The following PAK2 variants were observed in gnomAD, a reference collection of about 807,000 sequenced individuals.
PAK2 encodes the protein p21 (RAC1) activated kinase 2, also known as serine/threonine-protein kinase PAK 2.
In PAK2, 21 loss-of-function variants were observed where a neutral mutation model predicts 65.9. That is an observed-to-expected ratio of 0.32 (90% CI 0.23 to 0.46). The LOEUF is 0.46. PAK2 is among the 20% of genes least tolerant of loss of function. The probability of loss-of-function intolerance (pLI) is 1.00; values close to 1 mark genes in which losing one functional copy is unlikely to be tolerated. For missense variants in PAK2, 324 were observed against 642.6 expected (o/e 0.50, Z 5.36); for synonymous variants, 204 against 219.7 (o/e 0.93, Z 0.63).
At chr3:196,759,809 G>A (rs532480966) in intron 1 of PAK2, among the ~76,000 whole-genome samples, 1 of 152,178 alleles carries the variant, frequency 6.6e-6, no homozygotes, top group Non-Finnish European at 1.5e-5. Flanking sequence ...ACAGGCGTGA[G>A]TCACTGTGCC....
At chr3:196,742,844 C>T (rs536373390) in intron 1 of PAK2, among the ~76,000 whole-genome samples, 5 of 152,248 alleles carry the variant, frequency 3.3e-5, no homozygotes, top group East Asian at 3.9e-4. Context: ...GTGATGAACC[C>T]GGGAGGCGGA....
At chr3:196,784,274 G>A (rs1577719565) in intron 2 of PAK2, among the ~76,000 whole-genome samples, 1 of 97,600 alleles carries the variant, frequency 1.0e-5, no homozygotes, top group Non-Finnish European at 2.0e-5. Context: ...TGTGCACATT[G>A]TGCAGGTTAG....
chr3:196,762,116 C>T (rs564996908), intron 1 of PAK2, among the ~76,000 whole-genome samples: 4 of 130,576 alleles, frequency 3.1e-5, no homozygotes, highest in Non-Finnish European at 6.8e-5. Flanking sequence ...GGGGCAGAGG[C>T]GTCCCCCACA....
chr3:196,767,280 AT>A (rs1225652557), intron 1 of PAK2, among the ~76,000 whole-genome samples: 3 of 152,044 alleles, frequency 2.0e-5, no homozygotes, highest in Non-Finnish European at 4.4e-5. Flanking sequence ...CTTTGGATAG[AT>A]TTTTAGAAAC....
At chr3:196,808,593 T>C (rs1715668279) in intron 7 of PAK2, among the ~76,000 whole-genome samples, 1 of 125,538 alleles carries the variant, frequency 8.0e-6, no homozygotes. Flanking sequence ...GGCCGGGCAC[T>C]GTGGCTCATG....
At chr3:196,797,027 T>G (rs1363488748) in intron 2 of PAK2, among the ~76,000 whole-genome samples, 1 of 151,654 alleles carries the variant, frequency 6.6e-6, no homozygotes, top group Non-Finnish European at 1.5e-5. Context: ...GTAGAAAAAG[T>G]AGACATAAAA....
At chr3:196,814,943 G>T (rs1485213417) in intron 11 of PAK2, among the ~76,000 whole-genome samples, 2 of 152,096 alleles carry the variant, frequency 1.3e-5, no homozygotes, top group East Asian at 3.9e-4. Flanking sequence ...ACTTTGGGAG[G>T]CCGAGGCGGG....
chr3:196,796,784 G>A (rs1715272257), intron 2 of PAK2, among the ~76,000 whole-genome samples: 1 of 152,184 alleles, frequency 6.6e-6, no homozygotes, highest in African/African-American at 2.4e-5. Context: ...TGGACTGGCT[G>A]TATAAACAGC....
At chr3:196,749,589 A>G (rs887928656) in intron 1 of PAK2, among the ~76,000 whole-genome samples, 16 of 152,204 alleles carry the variant, frequency 1.1e-4, no homozygotes, top group African/African-American at 3.9e-4. Flanking sequence ...TCGGGTGGAC[A>G]TAAGTTTTCA....
At chr3:196,810,176 T>G (rs1451993508) in intron 7 of PAK2, among the ~76,000 whole-genome samples, 1 of 151,920 alleles carries the variant, frequency 6.6e-6, no homozygotes, top group Non-Finnish European at 1.5e-5. Context: ...ATTTCTATAT[T>G]CAAATATATC....
At chr3:196,764,488 G>A (rs937698522) in intron 1 of PAK2, among the ~76,000 whole-genome samples, 2 of 151,640 alleles carry the variant, frequency 1.3e-5, no homozygotes, top group Non-Finnish European at 2.9e-5. Flanking sequence ...GCATGGTGGC[G>A]GGTGTCTGTA....
intron 3 of PAK2, 36 bp downstream of exon 3, chr3:196,802,063 T>A: frequency 9.9e-7 from 1 of 1,008,742 alleles, no homozygotes; most frequent in Non-Finnish European, 1.6e-6. Flanking sequence ...TTATAACGTT[T>A]AAAATAGCAC....
At chr3:196,825,138 G>A (rs1268855978) in intron 13 of PAK2, among the ~76,000 whole-genome samples, 1 of 151,896 alleles carries the variant, frequency 6.6e-6, no homozygotes, top group Non-Finnish European at 1.5e-5. Flanking sequence ...TTGAGGTTAG[G>A]AGTTTGAGAC....
intron 4 of PAK2, among the ~76,000 whole-genome samples, chr3:196,804,792 G>A (rs1318478043): frequency 1.1e-5 from 1 of 90,264 alleles, no homozygotes; most frequent in African/African-American, 4.4e-5. Context: ...TATGTGATAT[G>A]TGTGTGTGTG....
chr3:196,778,628 C>G (rs1399417129), intron 1 of PAK2, among the ~76,000 whole-genome samples: 3 of 152,194 alleles, frequency 2.0e-5, no homozygotes, highest in African/African-American at 2.4e-5. Context: ...ATTGGTACCT[C>G]ACTGTTAACC....
At chr3:196,767,741 G>A (rs1207684620) in intron 1 of PAK2, among the ~76,000 whole-genome samples, 2 of 152,064 alleles carry the variant, frequency 1.3e-5, no homozygotes, top group Non-Finnish European at 2.9e-5. Flanking sequence ...TGATCCGCCC[G>A]CTTCGGCCTC....
Position 196,777,781 on chromosome 3 carries a change from T to C in PAK2, c.-21-4845T>C, listed in dbSNP as rs115558199. On this transcript the variant is annotated intron_variant, in intron 1 of 14. Transcript: ENST00000327134. ...AGAGGACTCAGGTCGTCTTTTATTT[T>C]CTCTAATGTCTAGCACAGAGTCTTA... is the stretch of plus-strand genomic sequence containing the variant. Among the ~76,000 whole-genome samples the C allele has an allele frequency of 9.3e-3, 1,417 of 152,352 alleles. 23 individuals are homozygous for C. The highest frequency in any genetic ancestry group is 0.031 in the African/African-American group (1,306 of 41,574).
chr3:196,827,861 A>G (rs1350033336), intron 14 of PAK2, among the ~76,000 whole-genome samples: 1 of 149,028 alleles, frequency 6.7e-6, no homozygotes, highest in Non-Finnish European at 1.5e-5. Context: ...TGTGCATCGT[A>G]TCAATCCTCA....
intron 11 of PAK2, among the ~76,000 whole-genome samples, chr3:196,816,216 G>A (rs1716024265): frequency 1.3e-5 from 2 of 152,092 alleles, no homozygotes; most frequent in Admixed American, 1.3e-4. Flanking sequence ...TACAAACTTT[G>A]TTCATGTAAG....
Sources: gnomAD v4.1 joint callset for allele counts (sites outside exome capture counted in the v4.1 genomes callset) on GRCh38, gnomAD v4.1.1 for gene constraint, MANE v1.5 for transcripts, NCBI Gene and HGNC (gene_info 2026-07-23, HGNC 2026-07-21) for gene names.